The following RIMBP2 variants were observed in gnomAD, a reference collection of about 807,000 sequenced individuals.
RIMBP2 encodes RIMS binding protein 2.
RIMBP2 carries 48 observed loss-of-function variants against 118.6 expected under a neutral mutation model. That is an observed-to-expected ratio of 0.40 (90% CI 0.32 to 0.51). RIMBP2 has a LOEUF of 0.51. Among genes scored for constraint, RIMBP2 ranks in the 20% least tolerant of loss-of-function variants. The pLI is 0.41. For missense variants in RIMBP2, 1,551 were observed against 1,768.3 expected, an observed-to-expected ratio of 0.88 and a Z score of 2.20; for synonymous variants, 762 against 742.9, an observed-to-expected ratio of 1.03 and a Z score of -0.42.
intron 21 of RIMBP2, among the ~76,000 whole-genome samples, chr12:130,401,104 A>C (rs572698056): frequency 6.6e-6 from 1 of 152,054 alleles, no homozygotes; most frequent in Non-Finnish European, 1.5e-5. Flanking sequence ...ATATACTTAA[A>C]AATGATTTTA....
chr12:130,685,283 C>T (rs903769269), intron 1 of RIMBP2, among the ~76,000 whole-genome samples: 1 of 152,156 alleles, frequency 6.6e-6, no homozygotes, highest in Non-Finnish European at 1.5e-5. Context: ...CTTTGTTTTA[C>T]TACAGTAACC....
intron 21 of RIMBP2, among the ~76,000 whole-genome samples, chr12:130,402,902 A>G (rs1414100029): frequency 6.6e-6 from 1 of 152,242 alleles, no homozygotes; most frequent in Admixed American, 6.5e-5. Context: ...TAGCAAGAAC[A>G]GCACACGCTT....
chr12:130,532,064 T>G (rs559594683), intron 2 of RIMBP2, among the ~76,000 whole-genome samples: 7 of 124,746 alleles, frequency 5.6e-5, no homozygotes, highest in South Asian at 3.0e-4. Flanking sequence ...CTCTAGGAGG[T>G]ACGTCTAATG....
chr12:130,633,017 T>C (rs2062098047), intron 1 of RIMBP2, among the ~76,000 whole-genome samples: 3 of 152,194 alleles, frequency 2.0e-5, no homozygotes, highest in South Asian at 4.1e-4. Flanking sequence ...AGCCAGTTCT[T>C]GCTATTTAAT....
intron 1 of RIMBP2, among the ~76,000 whole-genome samples, chr12:130,679,591 C>A (rs556044149): frequency 1.3e-5 from 2 of 152,138 alleles, no homozygotes; most frequent in Non-Finnish European, 2.9e-5. Flanking sequence ...GGTGCAGGTG[C>A]GGGCGCATTC....
intron 2 of RIMBP2, among the ~76,000 whole-genome samples, chr12:130,598,188 A>C (rs1162205511): frequency 6.6e-6 from 1 of 152,260 alleles, no homozygotes; most frequent in Non-Finnish European, 1.5e-5. Context: ...GATATGAATG[A>C]CTTGCCAACT....
intron 3 of RIMBP2, among the ~76,000 whole-genome samples, chr12:130,507,840 C>T (rs993287674): frequency 9.9e-5 from 15 of 152,176 alleles, no homozygotes; most frequent in Non-Finnish European, 1.8e-4. Context: ...TAATGTCACG[C>T]TTTTCAGCTG....
At chr12:130,526,150 A>T (rs1243298382) in intron 2 of RIMBP2, among the ~76,000 whole-genome samples, 6 of 152,124 alleles carry the variant, frequency 3.9e-5, no homozygotes, top group Non-Finnish European at 8.8e-5. Context: ...GAGACTACAG[A>T]TACAGTCTTG....
At chr12:130,515,775 G>GCAACCT (rs2051387021) in intron 3 of RIMBP2, among the ~76,000 whole-genome samples, 1 of 151,802 alleles carries the variant, frequency 6.6e-6, no homozygotes, top group Admixed American at 6.6e-5. Flanking sequence ...TCGGCTCACT[G>GCAACCT]CAACCTCAAC....
rs1566001625 is a variant in RIMBP2, at chr12:130,419,179, T to TG, written c.3238+3273dup. Among the ~76,000 whole-genome samples, 1 of 152,118 alleles carries TG rather than the reference T, an allele frequency of 6.6e-6. No homozygotes were observed. The highest frequency in any genetic ancestry group is 1.5e-5 in the Non-Finnish European group (1 of 68,016). ...TTCACTGCAGACTGGACTGGGCAGTTGGGGGTCCCTTGTCCTTGGTGATGG... is the reference window on the plus strand; with the variant it reads ...TTCACTGCAGACTGGACTGGGCAGTTGGGGGGTCCCTTGTCCTTGGTGATGG... On this transcript the variant is annotated intron_variant, in intron 17 of 22. Coordinates refer to ENST00000690449, the MANE Select transcript of RIMBP2 (RefSeq NM_001393629.1). This position sits in a 1 kb window ranked among gnomAD's most constrained non-coding sequence, Gnocchi z 4.3.
At chr12:130,430,515 T>C (rs1263083273) in intron 14 of RIMBP2, 1 of 152,194 alleles carries the variant, frequency 6.6e-6, no homozygotes, top group Non-Finnish European at 1.5e-5. Context: ...GCCTCTTTCC[T>C]TAGATTTAAT....
chr12:130,497,177 C>T (rs984926305), intron 4 of RIMBP2, among the ~76,000 whole-genome samples: 7 of 152,144 alleles, frequency 4.6e-5, no homozygotes, highest in African/African-American at 1.2e-4. Flanking sequence ...GATGTGCGAC[C>T]GCACCTTCAC....
At chr12:130,657,180 G>C (rs2063467301) in intron 1 of RIMBP2, among the ~76,000 whole-genome samples, 1 of 152,218 alleles carries the variant, frequency 6.6e-6, no homozygotes, top group African/African-American at 2.4e-5. Context: ...ACAGGTGTGT[G>C]TCACCACACG....
chr12:130,472,539 G>A (rs573411202), intron 5 of RIMBP2, among the ~76,000 whole-genome samples: 2 of 152,358 alleles, frequency 1.3e-5, no homozygotes, highest in East Asian at 3.9e-4. Context: ...GAATCCATAT[G>A]CTACGCTGTG....
At chr12:130,641,714 TGA>T (rs1388877979) in intron 1 of RIMBP2, among the ~76,000 whole-genome samples, 1 of 152,184 alleles carries the variant, frequency 6.6e-6, no homozygotes, top group Admixed American at 6.5e-5. Context: ...GTGGCCGTGC[TGA>T]GAGCACTCCG....
At chr12:130,662,240 T>C (rs562788718) in intron 1 of RIMBP2, among the ~76,000 whole-genome samples, 4 of 152,314 alleles carry the variant, frequency 2.6e-5, no homozygotes, top group Non-Finnish European at 5.9e-5. Flanking sequence ...GGGGCAATTC[T>C]CGCCAATGTG....
chr12:130,406,210 T>G lies in RIMBP2; in HGVS notation c.3727A>C (p.Thr1243Pro). The change falls in exon 21 of 23, where the codon ACA (threonine) becomes CCA (proline). Residue 1243 changes from threonine to proline, a missense_variant. Thr to Pro is a conservative substitution (Grantham distance 38, BLOSUM62 -1). This residue lies in a region of RIMBP2 where 1,038 missense variants were observed against 1,125.1 expected (regional missense o/e 0.92). Transcript: ENST00000690449. ...TCTTCATCAATTTCACCAAAAACTGTAATAATATCTCCTGTGCAAAATGTA... is the reference window on the plus strand; with the variant it reads ...TCTTCATCAATTTCACCAAAAACTGGAATAATATCTCCTGTGCAAAATGTA... Reference protein sequence around the residue: ...ELTFCTGDIITVFGEIDEDGF... With the variant: ...ELTFCTGDIIPVFGEIDEDGF... The G allele has an allele frequency of 6.2e-7, 1 of 1,604,232 alleles. No homozygotes were observed.
chr12:130,624,963 T>A (rs2061534549), intron 2 of RIMBP2, among the ~76,000 whole-genome samples: 1 of 152,144 alleles, frequency 6.6e-6, no homozygotes, highest in Non-Finnish European at 1.5e-5. Flanking sequence ...GACCTTGTGA[T>A]CCGCCCACGT....
rs553812783 is a variant in RIMBP2 at position 130,469,774 on chromosome 12, C to T, written c.153+919G>A. ...AAGGTCATTCTGAAGAGGGCAGCCTCATCCAATATTGGCCTCACTTAAGGG... is the reference window on the plus strand; with the variant it reads ...AAGGTCATTCTGAAGAGGGCAGCCTTATCCAATATTGGCCTCACTTAAGGG... On this transcript the variant is annotated intron_variant, in intron 6 of 22. Coordinates refer to ENST00000690449, the MANE Select transcript of RIMBP2 (RefSeq NM_001393629.1). This position sits in a 1 kb window ranked among gnomAD's most constrained non-coding sequence, Gnocchi z 4.8. Among the ~76,000 whole-genome samples the T allele has an allele frequency of 1.3e-5, 2 of 152,354 alleles. No individual in the cohort carries two copies. Among genetic ancestry groups the T allele is most frequent in the South Asian group, 4.1e-4 (2 of 4,828 alleles).
Sources: allele counts gnomAD v4.1 joint callset (sites outside exome capture counted in the v4.1 genomes callset), GRCh38; gene constraint gnomAD v4.1.1; regional missense constraint gnomAD v4.1.1; non-coding constraint Gnocchi (gnomAD v3.1); transcripts MANE v1.5; gene names NCBI Gene and HGNC (gene_info 2026-07-23, HGNC 2026-07-21).